The following THRB variants were observed in gnomAD, a reference collection of about 807,000 sequenced individuals.
The protein encoded by THRB is thyroid hormone receptor beta.
In THRB, 12 loss-of-function variants were observed where a neutral mutation model predicts 47.8. The observed-to-expected ratio is 0.25, with a 90% CI of 0.16 to 0.41. The LOEUF is 0.41. Ranked by LOEUF, THRB falls within the 10% of genes least tolerant of loss-of-function variation. THRB has a pLI of 1.00. For missense variants in THRB, 348 were observed against 589.2 expected, an observed-to-expected ratio of 0.59 and a Z score of 4.24; for synonymous variants, 218 against 212.2, an observed-to-expected ratio of 1.03 and a Z score of -0.24.
At chr3:24,390,813 TA>T (rs1380970881) in intron 1 of THRB, among the ~76,000 whole-genome samples, 1 of 147,052 alleles carries the variant, frequency 6.8e-6, no homozygotes, top group Non-Finnish European at 1.5e-5. Flanking sequence ...TATATATATA[TA>T]ATATTATTTT....
At position 24,233,568 on chromosome 3, in the gene THRB, AAAG is replaced by A. The variant is rs796748345; in HGVS notation, c.-42-4570_-42-4568del. Among the ~76,000 whole-genome samples, 214 of 38,646 alleles carry A rather than the reference AAAG, an allele frequency of 5.5e-3. 2 individuals are homozygous for A. Among genetic ancestry groups the A allele is most frequent in the Middle Eastern group, 0.034 (2 of 58 alleles). The allele number at this position is 38,646 out of a possible 152,430, so 25.4% of individuals were successfully genotyped here. ...GAGAAAGAAAGAAAAAGGAAGAAAG[AAAG>A]AAAGAAAGAAAGAAAGAAAGAAAGA... is the stretch of plus-strand genomic sequence containing the variant. On this transcript the variant is annotated intron_variant, in intron 3 of 10. Coordinates refer to ENST00000646209, the MANE Select transcript of THRB (RefSeq NM_001354712.2).
rs761685368 is a variant in THRB, at chr3:24,165,083, G to T, written c.284-12593C>A. Reference sequence around the variant, plus strand: ...TTGAGAAAAAGTAGGCTTTTCTTCAGTGAAATATTCAGGTTGGCTGTATTG... The same window carrying T: ...TTGAGAAAAAGTAGGCTTTTCTTCATTGAAATATTCAGGTTGGCTGTATTG... On this transcript the variant is annotated intron_variant, in intron 5 of 10. Transcript: ENST00000646209. 18 of 764,610 alleles carry T rather than the reference G, an allele frequency of 2.4e-5. No individual in the cohort carries two copies. The Admixed American group carries it at 3.1e-4, about 13-fold the overall frequency. The allele number at this position is 764,610 out of a possible 1,614,324, so 47.4% of individuals were successfully genotyped here.
At chr3:24,136,783 C>T (rs1459984412) in intron 8 of THRB, among the ~76,000 whole-genome samples, 2 of 152,200 alleles carry the variant, frequency 1.3e-5, no homozygotes, top group Non-Finnish European at 2.9e-5. Context: ...GTATTTTCAA[C>T]TCTCATTCTG....
intron 3 of THRB, among the ~76,000 whole-genome samples, chr3:24,236,694 G>C (rs2048910393): frequency 6.6e-6 from 1 of 151,928 alleles, no homozygotes; most frequent in South Asian, 2.1e-4. Flanking sequence ...CTGAATTTTT[G>C]TGAAAAAAAA....
At chr3:24,165,344 C>T in intron 5 of THRB, 1 of 761,592 alleles carries the variant, frequency 1.3e-6, no homozygotes, top group Non-Finnish European at 2.4e-6. Flanking sequence ...TTCTTGCATA[C>T]AGTAGTTCAT....
At chr3:24,325,972 C>T (rs1445480153) in intron 2 of THRB, among the ~76,000 whole-genome samples, 1 of 152,144 alleles carries the variant, frequency 6.6e-6, no homozygotes, top group Non-Finnish European at 1.5e-5. Flanking sequence ...CTCCCTCTCC[C>T]TTTCTCCTCT....
At chr3:24,284,967 C>T (rs1378722498) in intron 3 of THRB, among the ~76,000 whole-genome samples, 1 of 152,086 alleles carries the variant, frequency 6.6e-6, no homozygotes, top group East Asian at 1.9e-4. Context: ...AATAGGAACA[C>T]TTTTACACTG....
rs1056341267 is a variant in THRB, at chr3:24,195,759, C to A, written c.23-5425G>T. Among the ~76,000 whole-genome samples, 4 of 152,196 alleles carry A rather than the reference C, an allele frequency of 2.6e-5. No homozygotes were observed. In the East Asian group the frequency reaches 5.8e-4, roughly 22 times the overall value. ...TGGGCTGCCTCTAACATAGGAAGCC[C>A]ATTCCCACAGCAGCATCTTGCAGAA... On this transcript the variant is annotated intron_variant, in intron 4 of 10. Transcript: ENST00000646209.
At chr3:24,223,067 G>A (rs542467256) in intron 4 of THRB, among the ~76,000 whole-genome samples, 5 of 152,110 alleles carry the variant, frequency 3.3e-5, no homozygotes, top group Admixed American at 1.3e-4. Flanking sequence ...ATTCTGCATC[G>A]TTGCTCTCCT....
intron 1 of THRB, among the ~76,000 whole-genome samples, chr3:24,466,377 C>T (rs2074158348): frequency 6.6e-6 from 1 of 152,046 alleles, no homozygotes; most frequent in Admixed American, 6.6e-5. Flanking sequence ...CTCAACTCAT[C>T]ATCCTTAGTT....
At chr3:24,357,158 T>G (rs1455638135) in intron 1 of THRB, among the ~76,000 whole-genome samples, 2 of 148,454 alleles carry the variant, frequency 1.3e-5, no homozygotes, top group African/African-American at 4.9e-5. Flanking sequence ...TGGTTTTATG[T>G]TTTTTTTTGT....
intron 5 of THRB, among the ~76,000 whole-genome samples, chr3:24,184,420 G>C (rs1457147326): frequency 6.6e-6 from 1 of 152,174 alleles, no homozygotes; most frequent in East Asian, 1.9e-4. Context: ...GCGTGGGGTG[G>C]TCCATCCTCT....
intron 3 of THRB, among the ~76,000 whole-genome samples, chr3:24,271,273 A>G (rs760112701): frequency 1.3e-5 from 2 of 152,246 alleles, no homozygotes; most frequent in Non-Finnish European, 2.9e-5. Flanking sequence ...GCTTATGAAA[A>G]TACTAAACAA....
intron 1 of THRB, among the ~76,000 whole-genome samples, chr3:24,398,972 G>T (rs996177896): frequency 6.6e-6 from 1 of 151,734 alleles, no homozygotes; most frequent in Non-Finnish European, 1.5e-5. Context: ...GCAAACTATC[G>T]CAAGGACAAA....
chr3:24,148,912 A>G (rs529162578), intron 6 of THRB, among the ~76,000 whole-genome samples: 1 of 152,334 alleles, frequency 6.6e-6, no homozygotes, highest in East Asian at 1.9e-4. Context: ...AACTGTCAAT[A>G]TTATATTTGG....
At chr3:24,328,695 C>A (rs1000677148) in intron 2 of THRB, among the ~76,000 whole-genome samples, 1 of 152,200 alleles carries the variant, frequency 6.6e-6, no homozygotes. Flanking sequence ...GCAGCCCTCA[C>A]CATTTTATAC....
chr3:24,261,497 C>CAACAAAAA (rs2052003589), intron 3 of THRB, among the ~76,000 whole-genome samples: 1 of 88,254 alleles, frequency 1.1e-5, no homozygotes, highest in African/African-American at 4.4e-5. Flanking sequence ...GATTCTGTCT[C>CAACAAAAA]AAAAAAAAAA....
At chr3:24,408,778 T>A (rs1335402479) in intron 1 of THRB, among the ~76,000 whole-genome samples, 2 of 151,790 alleles carry the variant, frequency 1.3e-5, no homozygotes, top group African/African-American at 2.4e-5. Context: ...ACAAGACACA[T>A]TTTCATTTAC....
At chr3:24,220,603 G>C (rs1050048113) in intron 4 of THRB, among the ~76,000 whole-genome samples, 1 of 152,130 alleles carries the variant, frequency 6.6e-6, no homozygotes, top group African/African-American at 2.4e-5. Context: ...TGTCATTTTG[G>C]AAACTGAAGT....
Sources: allele counts gnomAD v4.1 joint callset (sites outside exome capture counted in the v4.1 genomes callset), GRCh38; gene constraint gnomAD v4.1.1; transcripts MANE v1.5; gene names NCBI Gene and HGNC (gene_info 2026-07-23, HGNC 2026-07-21).